Variants in RLBP1 observed in about 807,000 individuals in gnomAD.
The protein encoded by RLBP1 is retinaldehyde binding protein 1.
Under a neutral mutation model 36.2 loss-of-function variants are expected in RLBP1, and 26 were observed. That is an observed-to-expected ratio of 0.72 (90% confidence interval 0.53 to 1.00). The LOEUF (loss-of-function observed/expected upper bound fraction) is 1.00, where lower values mean the gene tolerates loss of function less well. Ranked by LOEUF, RLBP1 falls within the 50% of genes least tolerant of loss-of-function variation. RLBP1 has a pLI of 0.00. For missense variants in RLBP1, 410 were observed against 402.4 expected (o/e 1.02, Z -0.16); for synonymous variants, 155 against 156.2 (o/e 0.99, Z 0.06).
chr15:89,212,407 C>A (rs933199297), intron 6 of RLBP1, among the ~76,000 whole-genome samples: 2 of 151,794 alleles, frequency 1.3e-5, no homozygotes, highest in African/African-American at 4.8e-5. Flanking sequence ...CATGGTGAAA[C>A]CCCATCTCAA....
chr15:89,210,287 A>G lies in RLBP1; in HGVS notation c.952T>C (p.Ter318ArgextTer9). 6.2e-7 allele frequency: 1 copy of G among 1,614,094 alleles called. No individual in the cohort carries two copies. The highest frequency in any genetic ancestry group is 8.5e-7 in the Non-Finnish European group (1 of 1,180,036). The change falls in exon 9 of 9, where the codon TGA becomes CGA. Residue 318 changes from the stop codon to arginine, a stop_lost. Transcript: ENST00000268125. This position sits in a 1 kb window ranked among gnomAD's most constrained non-coding sequence, Gnocchi z 4.7. ...PQAQAENTAF* is the reference protein window; with the variant it reads ...PQAQAENTAFR ...AGTTCAGCTGGCAGGAGATGTTTTC[A>G]GAAGGCTGTGTTCTCAGCTTGGGCC...
At position 89,218,703 on chromosome 15, in the gene RLBP1, G is replaced by C. The variant is rs1439192262; in HGVS notation, c.13-10C>G. 2 of 1,613,762 alleles carry C rather than the reference G, an allele frequency of 1.2e-6. No individual in the cohort carries two copies. The highest frequency in any genetic ancestry group is 1.7e-6 in the Non-Finnish European group (2 of 1,180,028). Reference sequence around the variant, plus strand: ...TGCGGAACGTGCCCACCTGGGCAGAGAAAGGAAAAAGAGGAACAGCCAACC... The same window carrying C: ...TGCGGAACGTGCCCACCTGGGCAGACAAAGGAAAAAGAGGAACAGCCAACC... On this transcript the variant is annotated splice_polypyrimidine_tract_variant and intron_variant, in intron 3 of 8. Coordinates refer to ENST00000268125, the MANE Select transcript of RLBP1 (RefSeq NM_000326.5). This position sits in a 1 kb window ranked among gnomAD's most constrained non-coding sequence, Gnocchi z 4.6.
intron 5 of RLBP1, among the ~76,000 whole-genome samples, chr15:89,216,056 C>T (rs1052421622): frequency 6.6e-6 from 1 of 152,172 alleles, no homozygotes; most frequent in Non-Finnish European, 1.5e-5. Context: ...TTATTTAACC[C>T]TATATAATTT....
Position 89,218,432 on chromosome 15 carries a change from C to CGG in RLBP1, c.141+132_141+133insCC. The CGG allele has an allele frequency of 7.4e-7, 1 of 1,360,294 alleles. No homozygotes were observed. The highest frequency in any genetic ancestry group is 1.7e-5 in the Admixed American group (1 of 57,488). The allele number at this position is 1,360,294 out of a possible 1,614,324, so 84.3% of individuals were successfully genotyped here. The stretch of plus-strand genomic sequence containing the variant: ...GTGACCACCAGGAAGGACCTTAGAA[C>CGG]CGGCCAGTCTATCAGGTCCAGGATG... On this transcript the variant is annotated intron_variant, in intron 4 of 8. Coordinates refer to ENST00000268125, the MANE Select transcript of RLBP1 (RefSeq NM_000326.5). This position sits in a 1 kb window ranked among gnomAD's most constrained non-coding sequence, Gnocchi z 4.6.
chr15:89,211,522 A>G lies in RLBP1; in HGVS notation c.684+221T>C, dbSNP rs1649260470. On this transcript the variant is annotated intron_variant, in intron 7 of 8. Transcript: ENST00000268125. The surrounding 1 kb of genome is among the most constrained non-coding windows in gnomAD (Gnocchi z 5.8). ...TGAAAAATGAAGCAGGGAAGGAGGG[A>G]GAGAATGCTCTCAAGGAGTCGATGG... is the stretch of plus-strand genomic sequence containing the variant. Among the ~76,000 whole-genome samples, 1 of 152,156 alleles carries G rather than the reference A, an allele frequency of 6.6e-6. No homozygotes were observed. Among genetic ancestry groups the G allele is most frequent in the South Asian group, 2.1e-4 (1 of 4,824 alleles).
chr15:89,218,892 A>T lies in RLBP1; in HGVS notation c.12+72T>A. On this transcript the variant is annotated intron_variant, in intron 3 of 8. Coordinates refer to ENST00000268125, the MANE Select transcript of RLBP1 (RefSeq NM_000326.5). This position sits in a 1 kb window ranked among gnomAD's most constrained non-coding sequence, Gnocchi z 4.6. ...CAGAGCATAAGATAGAGAAGTAAGG[A>T]GGGAGGGAGAGGGAAGAGAGAGAAG... is the stretch of plus-strand genomic sequence containing the variant. 3 of 1,557,424 alleles carry T rather than the reference A, an allele frequency of 1.9e-6. No homozygotes were observed. The highest frequency in any genetic ancestry group is 2.2e-5 in the South Asian group (2 of 88,900).
chr15:89,216,849 G>A (rs930921625), intron 5 of RLBP1, among the ~76,000 whole-genome samples: 1 of 152,216 alleles, frequency 6.6e-6, no homozygotes, highest in Admixed American at 6.5e-5. Context: ...TCACCCAAAT[G>A]GGGTACCCAA....
rs540203768 is a variant in RLBP1 at position 89,217,299 on chromosome 15, T to A, written c.167A>T (p.Glu56Val). 63 of 1,607,050 alleles carry A rather than the reference T, an allele frequency of 3.9e-5. No homozygotes were observed. In the South Asian group the frequency reaches 4.8e-4, roughly 12 times the overall value. The change falls in exon 5 of 9, where the codon GAG (glutamate) becomes GTG (valine). Residue 56 changes from glutamate to valine, a missense_variant. Physicochemically the swap from Glu to Val is moderately radical, Grantham distance 121. Transcript: ENST00000268125. ...QKAKDELNER[E>V]ETREEAVREL... ...TCGCACTGCCTCCTCCCGGGTCTCC[T>A]CTCTCTCGTTCAGCTCATCCTTGGC...
In RLBP1 at chr15:89,210,737, C is replaced by T. The variant is rs1483568990; in HGVS notation, c.757G>A (p.Val253Met). 1 of 1,602,716 alleles carries T rather than the reference C, an allele frequency of 6.2e-7. No individual in the cohort carries two copies. Among genetic ancestry groups the T allele is most frequent in the Non-Finnish European group, 8.5e-7 (1 of 1,173,626 alleles). ...QPWYFTTTYN[V>M]VKPFLKSKLL... The stretch of plus-strand genomic sequence containing the variant: ...TTGCTCTTCAAGAAGGGCTTGACCA[C>T]ATTGTAGGTCGTGGTGAAGTACCAT... The change falls in exon 8 of 9, where the codon GTG (valine) becomes ATG (methionine). Residue 253 changes from valine to methionine, a missense_variant. Transcript: ENST00000268125. The surrounding 1 kb of genome is among the most constrained non-coding windows in gnomAD (Gnocchi z 4.7).
intron 1 of RLBP1, among the ~76,000 whole-genome samples, chr15:89,221,071 G>A (rs574137274): frequency 3.0e-4 from 44 of 148,090 alleles, no homozygotes; most frequent in East Asian, 1.2e-3. Flanking sequence ...GCAATGGTGC[G>A]ATCTCAGCTC....
At chr15:89,216,237 A>G (rs2051578291) in intron 5 of RLBP1, among the ~76,000 whole-genome samples, 1 of 152,148 alleles carries the variant, frequency 6.6e-6, no homozygotes, top group Non-Finnish European at 1.5e-5. Flanking sequence ...GAAAATCATT[A>G]GCCTGCAGAG....
At position 89,211,661 on chromosome 15, in the gene RLBP1, T is replaced by A; in HGVS notation, c.684+82A>T. ...GAGGTGGTCCAACTTCTCAGTTCCC[T>A]GCAAGCACCATGAAAGGAGGCCCAG... On this transcript the variant is annotated intron_variant, in intron 7 of 8. Coordinates refer to ENST00000268125, the MANE Select transcript of RLBP1 (RefSeq NM_000326.5). The surrounding 1 kb of genome is among the most constrained non-coding windows in gnomAD (Gnocchi z 5.8). The A allele has an allele frequency of 6.7e-7, 1 of 1,482,048 alleles. No individual in the cohort carries two copies. The highest frequency in any genetic ancestry group is 9.3e-7 in the Non-Finnish European group (1 of 1,070,802). 91.8% of individuals were successfully genotyped at this position (1,482,048 alleles called of 1,614,324 possible).
intron 2 of RLBP1, 125 bp from the exon 3 acceptor site, chr15:89,219,200 T>TTCTGAC: frequency 1.6e-6 from 1 of 619,788 alleles, no homozygotes; most frequent in African/African-American, 1.8e-5. Context: ...ACCTCCATGA[T>TTCTGAC]TCTGACTCTG....
intron 5 of RLBP1, among the ~76,000 whole-genome samples, chr15:89,216,001 A>C (rs1475765481): frequency 6.6e-6 from 1 of 152,200 alleles, no homozygotes; most frequent in Admixed American, 6.5e-5. Flanking sequence ...CAGCCCCTCA[A>C]GACTTTATAT....
At chr15:89,213,352 A>G (rs2051554014) in intron 6 of RLBP1, among the ~76,000 whole-genome samples, 1 of 152,204 alleles carries the variant, frequency 6.6e-6, no homozygotes, top group African/African-American at 2.4e-5. Context: ...AGATAGTATT[A>G]TAGTATACTT....
At chr15:89,219,195 C>T in intron 2 of RLBP1, 120 bp from the exon 3 acceptor site, 2 of 626,552 alleles carry the variant, frequency 3.2e-6, no homozygotes, top group Non-Finnish European at 5.7e-6. Flanking sequence ...TCCCAACCTC[C>T]ATGATTCTGA....
chr15:89,212,629 T>C (rs1382524415), intron 6 of RLBP1, among the ~76,000 whole-genome samples: 3 of 148,268 alleles, frequency 2.0e-5, no homozygotes, highest in Non-Finnish European at 4.5e-5. Flanking sequence ...TGTGCGCGTG[T>C]GTGTGTGTGT....
intron 6 of RLBP1, 131 bp from the exon 7 acceptor site, chr15:89,212,032 C>T: frequency 1.1e-6 from 1 of 929,502 alleles, no homozygotes; most frequent in East Asian, 2.6e-5. Flanking sequence ...CTCGGACATT[C>T]CACTTCTGTG....
chr15:89,211,672 T>C lies in RLBP1; in HGVS notation c.684+71A>G, dbSNP rs1217177394. On this transcript the variant is annotated intron_variant, in intron 7 of 8. Coordinates refer to ENST00000268125, the MANE Select transcript of RLBP1 (RefSeq NM_000326.5). The surrounding 1 kb of genome is among the most constrained non-coding windows in gnomAD (Gnocchi z 5.8). ...ACTTCTCAGTTCCCTGCAAGCACCA[T>C]GAAAGGAGGCCCAGCCTCTCAGCCT... 4 of 1,541,026 alleles carry C rather than the reference T, an allele frequency of 2.6e-6. No individual in the cohort carries two copies. The highest frequency in any genetic ancestry group is 3.6e-6 in the Non-Finnish European group (4 of 1,121,372).
Sources: allele counts gnomAD v4.1 joint callset (sites outside exome capture counted in the v4.1 genomes callset), GRCh38; gene constraint gnomAD v4.1.1; non-coding constraint Gnocchi (gnomAD v3.1); transcripts MANE v1.5; gene names NCBI Gene and HGNC (gene_info 2026-07-23, HGNC 2026-07-21).